Variants in PCDH15 observed in about 807,000 individuals in gnomAD.
PCDH15 encodes the protein protocadherin related 15.
PCDH15 carries 129 observed loss-of-function variants against 178.5 expected under a neutral mutation model. That is an observed-to-expected ratio of 0.72 (90% confidence interval 0.63 to 0.84). PCDH15 has a LOEUF of 0.84. Ranked by LOEUF, PCDH15 falls within the 40% of genes least tolerant of loss-of-function variation. The pLI is 0.00. For synonymous variants in PCDH15, 800 were observed against 732.0 expected (o/e 1.09, Z -1.50); for missense variants, 2,230 against 2,099.9 (o/e 1.06, Z -1.21).
intron 1 of PCDH15, among the ~76,000 whole-genome samples, chr10:55,186,488 T>G (rs1198111515): frequency 6.6e-6 from 1 of 151,602 alleles, no homozygotes; most frequent in African/African-American, 2.4e-5. Flanking sequence ...CATAGACGTA[T>G]CCTGGTTTGG....
intron 21 of PCDH15, among the ~76,000 whole-genome samples, chr10:53,986,488 T>G (rs567728541): frequency 4.1e-4 from 62 of 152,312 alleles, no homozygotes; most frequent in African/African-American, 1.4e-3. Flanking sequence ...TTCAAAATAT[T>G]TGAAATCAGG....
chr10:54,002,016 A>C (rs1241031642), intron 20 of PCDH15, among the ~76,000 whole-genome samples: 2 of 149,914 alleles, frequency 1.3e-5, no homozygotes, highest in African/African-American at 4.9e-5. Flanking sequence ...TCAATTTATC[A>C]GGAAGATATA....
intron 2 of PCDH15, among the ~76,000 whole-genome samples, chr10:55,574,849 T>A (rs1337282604): frequency 6.6e-6 from 1 of 152,186 alleles, no homozygotes; most frequent in Non-Finnish European, 1.5e-5. Flanking sequence ...TTTATCTATC[T>A]TCTTATTGTT....
intron 1 of PCDH15, among the ~76,000 whole-genome samples, chr10:55,230,134 T>C (rs971000277): frequency 6.6e-6 from 1 of 152,084 alleles, no homozygotes; most frequent in Non-Finnish European, 1.5e-5. Context: ...GCAAATAAAG[T>C]GTATGAGAAC....
intron 9 of PCDH15, among the ~76,000 whole-genome samples, chr10:54,235,048 T>C (rs1451303788): frequency 3.9e-5 from 6 of 152,200 alleles, no homozygotes; most frequent in African/African-American, 1.2e-4. Context: ...TTTTGATCTC[T>C]GCCTAGAACT....
intron 2 of PCDH15, among the ~76,000 whole-genome samples, chr10:55,027,183 C>A (rs140907296): frequency 6.6e-6 from 1 of 151,746 alleles, no homozygotes; most frequent in Admixed American, 6.6e-5. Flanking sequence ...GGAAAAACTA[C>A]GAGGGAGTTT....
intron 2 of PCDH15, among the ~76,000 whole-genome samples, chr10:55,411,965 T>A (rs1404235744): frequency 6.6e-6 from 1 of 152,054 alleles, no homozygotes; most frequent in African/African-American, 2.4e-5. Flanking sequence ...AACTGTGAAA[T>A]CCCAGTGGGA....
At chr10:54,254,082 A>T (rs2056715911) in intron 8 of PCDH15, among the ~76,000 whole-genome samples, 1 of 152,108 alleles carries the variant, frequency 6.6e-6, no homozygotes, top group Admixed American at 6.6e-5. Flanking sequence ...AAAAGGATAA[A>T]TTTATCCTAA....
chr10:55,015,947 A>G (rs996112879), intron 2 of PCDH15, among the ~76,000 whole-genome samples: 1 of 152,024 alleles, frequency 6.6e-6, no homozygotes, highest in Non-Finnish European at 1.5e-5. Flanking sequence ...TCTAGAATAA[A>G]TGGGGTGGGC....
At chr10:54,813,955 A>G (rs1002386411) in intron 3 of PCDH15, among the ~76,000 whole-genome samples, 2 of 152,180 alleles carry the variant, frequency 1.3e-5, no homozygotes, top group Non-Finnish European at 2.9e-5. Context: ...CTATTTAATT[A>G]ATAAAGCATG....
chr10:55,000,161 C>A (rs1839765906), intron 2 of PCDH15, among the ~76,000 whole-genome samples: 1 of 152,126 alleles, frequency 6.6e-6, no homozygotes, highest in South Asian at 2.1e-4. Context: ...GGAATTTCCT[C>A]ATTCTAATAA....
At chr10:54,354,051 T>G (rs1944577246) in intron 5 of PCDH15, among the ~76,000 whole-genome samples, 2 of 152,188 alleles carry the variant, frequency 1.3e-5, no homozygotes, top group African/African-American at 2.4e-5. Flanking sequence ...AATGGCACAA[T>G]CTCGGCTCAC....
intron 21 of PCDH15, among the ~76,000 whole-genome samples, chr10:53,969,532 G>T (rs932737402): frequency 6.6e-6 from 1 of 152,122 alleles, no homozygotes; most frequent in African/African-American, 2.4e-5. Flanking sequence ...TCCTCAAGAA[G>T]AGCAACTCCA....
intron 18 of PCDH15, among the ~76,000 whole-genome samples, chr10:54,052,420 G>A (rs1253381942): frequency 1.3e-5 from 2 of 152,210 alleles, no homozygotes; most frequent in Non-Finnish European, 2.9e-5. Context: ...GGAATCAAAG[G>A]AGGTCATTTT....
chr10:55,366,534 C>A (rs952997440), intron 2 of PCDH15, among the ~76,000 whole-genome samples: 2 of 151,906 alleles, frequency 1.3e-5, no homozygotes, highest in Non-Finnish European at 2.9e-5. Context: ...CTGATAGGTA[C>A]CTGAGAGATT....
Position 53,807,015 on chromosome 10 carries a change from TG to T in PCDH15, c.4786del (p.His1596ThrfsTer17). 6.2e-7 allele frequency: 1 copy of T among 1,613,774 alleles called. No individual in the cohort carries two copies. Among genetic ancestry groups the T allele is most frequent in the Non-Finnish European group, 8.5e-7 (1 of 1,179,794 alleles). On this transcript the variant is annotated frameshift_variant, in exon 38 of 38. Transcript: ENST00000644397. LOFTEE classifies it high-confidence loss of function. ...QRNRLHHPSI[H>X]SNINGNIYIA... ...ATATATATTGCCGTTGATATTACTG[TG>T]GATACTAGGATGGTGAAGACGGTTT...
intron 2 of PCDH15, among the ~76,000 whole-genome samples, chr10:54,577,883 TAAATAA>T: frequency 7.1e-6 from 1 of 140,502 alleles, no homozygotes; most frequent in African/African-American, 2.6e-5. Context: ...AATAAATAAA[TAAATAA>T]ATAAATATTC....
At chr10:55,005,260 A>AC (rs1354983656) in intron 2 of PCDH15, among the ~76,000 whole-genome samples, 1 of 127,756 alleles carries the variant, frequency 7.8e-6, no homozygotes, top group Non-Finnish European at 1.7e-5. Context: ...TTGTATTTTT[A>AC]TCTTGTACTC....
At chr10:54,596,722 G>A (rs773957282) in intron 2 of PCDH15, among the ~76,000 whole-genome samples, 2 of 152,006 alleles carry the variant, frequency 1.3e-5, no homozygotes, top group Non-Finnish European at 2.9e-5. Flanking sequence ...ATGCAGTGAT[G>A]CCCACAGAAT....
Sources: allele counts gnomAD v4.1 joint callset (sites outside exome capture counted in the v4.1 genomes callset), GRCh38; gene constraint gnomAD v4.1.1; transcripts MANE v1.5; gene names NCBI Gene and HGNC (gene_info 2026-07-23, HGNC 2026-07-21).